KSR1: variants seen among roughly 807,000 people sequenced by gnomAD.
KSR1 encodes the protein kinase suppressor of ras.
In KSR1, 35 loss-of-function variants were observed where a neutral mutation model predicts 92.9. That is an observed-to-expected ratio of 0.38 (90% CI 0.29 to 0.50). The LOEUF (loss-of-function observed/expected upper bound fraction) is 0.50. Ranked by LOEUF, KSR1 falls within the 20% of genes least tolerant of loss-of-function variation. The pLI is 0.94. For synonymous variants in KSR1, 467 were observed against 472.6 expected (o/e 0.99, Z 0.15); for missense variants, 972 against 1,158.5 (o/e 0.84, Z 2.34).
chr17:27,540,029 G>C (rs1313723269), intron 1 of KSR1, among the ~76,000 whole-genome samples: 2 of 152,234 alleles, frequency 1.3e-5, no homozygotes, highest in African/African-American at 4.8e-5. Flanking sequence ...CTCTGGCCCA[G>C]CTCAAGCTTT....
intron 15 of KSR1, 116 bp from the exon 16 acceptor site, chr17:27,609,080 C>CA: frequency 8.2e-7 from 1 of 1,215,918 alleles, no homozygotes; most frequent in Non-Finnish European, 1.1e-6. Flanking sequence ...AAAATGGGGA[C>CA]AATATACTGC....
intron 2 of KSR1, among the ~76,000 whole-genome samples, chr17:27,558,883 G>A (rs1001803267): frequency 6.6e-6 from 1 of 152,154 alleles, no homozygotes; most frequent in Admixed American, 6.5e-5. Flanking sequence ...TGTCCCTTCA[G>A]TCACTTTGAG....
intron 9 of KSR1, among the ~76,000 whole-genome samples, chr17:27,594,501 C>T (rs761954829): frequency 3.9e-5 from 6 of 152,120 alleles, no homozygotes; most frequent in Non-Finnish European, 8.8e-5. Flanking sequence ...CCTCACAGCA[C>T]TCTCTCTCTG....
At chr17:27,516,666 C>T (rs1343090457) in intron 1 of KSR1, among the ~76,000 whole-genome samples, 2 of 152,166 alleles carry the variant, frequency 1.3e-5, no homozygotes, top group Non-Finnish European at 2.9e-5. Flanking sequence ...GAGAACTTTT[C>T]GAAGCTGAGA....
At chr17:27,515,853 T>G (rs779592315) in intron 1 of KSR1, among the ~76,000 whole-genome samples, 2 of 152,172 alleles carry the variant, frequency 1.3e-5, no homozygotes, top group Non-Finnish European at 2.9e-5. Context: ...AGGCTTAGTC[T>G]GTTTTATCAG....
chr17:27,457,540 T>C (rs2019236693), intron 1 of KSR1, among the ~76,000 whole-genome samples: 1 of 152,172 alleles, frequency 6.6e-6, no homozygotes, highest in Non-Finnish European at 1.5e-5. Flanking sequence ...AGGATTATGC[T>C]GGGAAGCAAG....
chr17:27,607,926 G>A lies in KSR1; in HGVS notation c.2007G>A (p.Gly669=). The change falls in exon 15 of 21, where the codon GGG becomes GGA. Residue 669 remains glycine, a synonymous_variant. Transcript: ENST00000644974. ...HLAIITSFCK[G]RTLHSFVRDP... The stretch of plus-strand genomic sequence containing the variant: ...CCACCCTCGACAGCTTCTGCAAGGG[G>A]CGGACGTTGCACTCGTTTGTGAGGG... The A allele has an allele frequency of 6.2e-7, 1 of 1,607,754 alleles. No homozygotes were observed. Among genetic ancestry groups the A allele is most frequent in the Non-Finnish European group, 8.5e-7 (1 of 1,177,104 alleles).
intron 1 of KSR1, among the ~76,000 whole-genome samples, chr17:27,546,608 A>G (rs184384402): frequency 2.1e-4 from 32 of 152,280 alleles, no homozygotes; most frequent in Non-Finnish European, 3.5e-4. Context: ...AGGAAACTCC[A>G]GCAGGTATTG....
At chr17:27,573,368 T>C (rs2072383903) in intron 2 of KSR1, among the ~76,000 whole-genome samples, 1 of 152,232 alleles carries the variant, frequency 6.6e-6, no homozygotes, top group African/African-American at 2.4e-5. Flanking sequence ...GGGTTTCTTG[T>C]TCAGTAAAAA....
chr17:27,617,054 G>T (rs1184950287), intron 18 of KSR1, among the ~76,000 whole-genome samples: 1 of 152,142 alleles, frequency 6.6e-6, no homozygotes, highest in Non-Finnish European at 1.5e-5. Context: ...ATTTTGGGGT[G>T]AGCATGGATC....
At chr17:27,540,695 T>A (rs2070931522) in intron 1 of KSR1, among the ~76,000 whole-genome samples, 1 of 152,206 alleles carries the variant, frequency 6.6e-6, no homozygotes, top group Non-Finnish European at 1.5e-5. Context: ...TCCTGCTCTG[T>A]CCCATGCCCA....
intron 1 of KSR1, among the ~76,000 whole-genome samples, chr17:27,476,326 A>C (rs929064538): frequency 6.6e-6 from 1 of 152,152 alleles, no homozygotes; most frequent in Non-Finnish European, 1.5e-5. Context: ...TTCTGCTGAG[A>C]AACAGGGAAG....
At chr17:27,462,411 G>A (rs192856053) in intron 1 of KSR1, among the ~76,000 whole-genome samples, 2 of 152,300 alleles carry the variant, frequency 1.3e-5, no homozygotes, top group African/African-American at 4.8e-5. Flanking sequence ...GCATTCCGTG[G>A]CTCAACTCTA....
At chr17:27,609,878 G>A in intron 16 of KSR1, 189 bp from the exon 17 acceptor site, 1 of 608,826 alleles carries the variant, frequency 1.6e-6, no homozygotes, top group South Asian at 2.2e-5. Context: ...AACCGGTCAT[G>A]ACTCCTTTGT....
At chr17:27,538,824 T>C (rs1002904924) in intron 1 of KSR1, among the ~76,000 whole-genome samples, 2 of 152,190 alleles carry the variant, frequency 1.3e-5, no homozygotes, top group Admixed American at 6.5e-5. Context: ...ATCCCTGGTG[T>C]CTGGGGCACT....
chr17:27,503,019 G>A (rs2069247058), intron 1 of KSR1, among the ~76,000 whole-genome samples: 1 of 152,216 alleles, frequency 6.6e-6, no homozygotes, highest in African/African-American at 2.4e-5. Context: ...GTGCTCTAAA[G>A]GCATTTGCCT....
intron 1 of KSR1, among the ~76,000 whole-genome samples, chr17:27,502,209 A>G (rs1019584659): frequency 1.3e-5 from 2 of 152,224 alleles, no homozygotes; most frequent in Non-Finnish European, 2.9e-5. Flanking sequence ...GCCAGTTGTC[A>G]TAAACCACTG....
At chr17:27,512,489 G>T (rs1374983706) in intron 1 of KSR1, among the ~76,000 whole-genome samples, 1 of 152,184 alleles carries the variant, frequency 6.6e-6, no homozygotes, top group Non-Finnish European at 1.5e-5. Flanking sequence ...TTGGGAGGCC[G>T]AGGCAGGTGG....
intron 2 of KSR1, among the ~76,000 whole-genome samples, chr17:27,567,506 C>T (rs957544277): frequency 6.6e-6 from 1 of 152,144 alleles, no homozygotes; most frequent in African/African-American, 2.4e-5. Flanking sequence ...CCTTCTAAGC[C>T]ACTGAGGCCT....
Sources: allele counts gnomAD v4.1 joint callset (sites outside exome capture counted in the v4.1 genomes callset), GRCh38; gene constraint gnomAD v4.1.1; transcripts MANE v1.5; gene names NCBI Gene and HGNC (gene_info 2026-07-23, HGNC 2026-07-21).